NEK10: variants seen among roughly 807,000 people sequenced by gnomAD.
The protein encoded by NEK10 is NIMA related kinase 10.
A neutral mutation model predicts 159.8 loss-of-function variants in NEK10; 122 were observed. The observed-to-expected ratio is 0.76, with a 90% CI of 0.66 to 0.89. The LOEUF (loss-of-function observed/expected upper bound fraction) is 0.89, where lower values mean the gene tolerates loss of function less well. Among genes scored for constraint, NEK10 ranks in the 40% least tolerant of loss-of-function variants. The pLI is 0.00. For missense variants in NEK10, 1,342 were observed against 1,323.1 expected, an observed-to-expected ratio of 1.01 and a Z score of -0.22; for synonymous variants, 466 against 457.1, an observed-to-expected ratio of 1.02 and a Z score of -0.25.
chr3:27,111,370 G>A, intron 35 of NEK10, 50 bp from the exon 36 acceptor site: 1 of 1,407,896 alleles, frequency 7.1e-7, no homozygotes, highest in Non-Finnish European at 9.7e-7. Flanking sequence ...AAATATTTTA[G>A]TTCATACATT....
At chr3:27,155,508 TAAATAAAATAAAATAAAATA>T (rs60254232) in intron 30 of NEK10, among the ~76,000 whole-genome samples, 63 of 134,334 alleles carry the variant, frequency 4.7e-4, no homozygotes, top group South Asian at 1.0e-3. Context: ...CTCAAAAAAA[TAAATAAAATAAAATAAAATA>T]AAATAAAATA....
At chr3:27,168,392 C>T (rs1443240022) in intron 29 of NEK10, among the ~76,000 whole-genome samples, 12 of 152,114 alleles carry the variant, frequency 7.9e-5, no homozygotes, top group Non-Finnish European at 1.5e-5. Context: ...GATGGGTTCA[C>T]ATTTCACATT....
intron 22 of NEK10, among the ~76,000 whole-genome samples, chr3:27,277,338 G>A (rs993420455): frequency 5.3e-5 from 8 of 152,144 alleles, no homozygotes; most frequent in Non-Finnish European, 1.2e-4. Context: ...TTAAGCCATC[G>A]TTAGTCTGGC....
intron 23 of NEK10, among the ~76,000 whole-genome samples, chr3:27,254,169 C>T (rs1955942794): frequency 1.3e-5 from 2 of 152,176 alleles, no homozygotes; most frequent in Admixed American, 6.5e-5. Flanking sequence ...TTTTTTAAAA[C>T]ATTATGAGAT....
intron 33 of NEK10, among the ~76,000 whole-genome samples, chr3:27,117,417 T>C (rs1203774683): frequency 1.3e-5 from 2 of 152,344 alleles, no homozygotes; most frequent in African/African-American, 2.4e-5. Context: ...TCTTCCACAA[T>C]GGTTGAACTA....
intron 23 of NEK10, among the ~76,000 whole-genome samples, chr3:27,223,903 C>A (rs73149363): frequency 0.21 from 31,510 of 152,158 alleles, 3,248 homozygotes; most frequent in African/African-American, 0.24. Context: ...TCTGCAAATT[C>A]TATCCATGTC....
chr3:27,186,237 T>C (rs1948610249), intron 26 of NEK10, among the ~76,000 whole-genome samples: 1 of 152,252 alleles, frequency 6.6e-6, no homozygotes, highest in Non-Finnish European at 1.5e-5. Flanking sequence ...CCAACATATT[T>C]TGCCTTCGCA....
At chr3:27,199,075 AAAAAAAAAAAAAC>A (rs1440205089) in intron 25 of NEK10, among the ~76,000 whole-genome samples, 1 of 148,294 alleles carries the variant, frequency 6.7e-6, no homozygotes, top group East Asian at 1.9e-4. Context: ...TCCATCTCAA[AAAAAAAAAAAAAC>A]AAAAAAAGAC....
intron 23 of NEK10, among the ~76,000 whole-genome samples, chr3:27,231,298 A>T (rs1216878013): frequency 6.6e-6 from 1 of 152,076 alleles, no homozygotes; most frequent in Non-Finnish European, 1.5e-5. Context: ...ATTTGAAATG[A>T]ATGATAACAG....
chr3:27,310,938 G>A lies in NEK10; in HGVS notation c.636+11C>T. On this transcript the variant is annotated intron_variant, in intron 9 of 35. Coordinates refer to ENST00000691995, the MANE Select transcript of NEK10 (RefSeq NM_001394966.1). Reference sequence around the variant, plus strand: ...GGAGCTGAAGCATTAACTCTTTCAGGGGCCACTCACCTTGTGGGCTCCACT... The same window carrying A: ...GGAGCTGAAGCATTAACTCTTTCAGAGGCCACTCACCTTGTGGGCTCCACT... The A allele has an allele frequency of 1.9e-6, 3 of 1,571,892 alleles. No individual in the cohort carries two copies. The highest frequency in any genetic ancestry group is 2.6e-6 in the Non-Finnish European group (3 of 1,142,608).
At chr3:27,312,744 G>C (rs1345912611) in intron 7 of NEK10, among the ~76,000 whole-genome samples, 1 of 152,054 alleles carries the variant, frequency 6.6e-6, no homozygotes, top group East Asian at 1.9e-4. Context: ...TATAATGGAA[G>C]TTAAAATGGA....
intron 29 of NEK10, among the ~76,000 whole-genome samples, chr3:27,167,609 C>G (rs1483230077): frequency 6.6e-6 from 1 of 152,106 alleles, no homozygotes; most frequent in Admixed American, 6.6e-5. Flanking sequence ...CTAGGTCAGC[C>G]TATGAAACTC....
At chr3:27,307,834 C>CT in intron 11 of NEK10, 25 bp downstream of exon 11, 3 of 1,143,340 alleles carry the variant, frequency 2.6e-6, no homozygotes. Flanking sequence ...ACTGCATTGT[C>CT]TTTTTCTACT....
chr3:27,245,031 A>G (rs569467535), intron 23 of NEK10, among the ~76,000 whole-genome samples: 1 of 152,248 alleles, frequency 6.6e-6, no homozygotes, highest in South Asian at 2.1e-4. Context: ...AGTACCATGT[A>G]GTTTTCTTAC....
At chr3:27,231,510 A>G (rs1253472979) in intron 23 of NEK10, among the ~76,000 whole-genome samples, 5 of 151,936 alleles carry the variant, frequency 3.3e-5, no homozygotes, top group African/African-American at 1.2e-4. Flanking sequence ...GAGTATAACT[A>G]AATGAAAGTG....
intron 7 of NEK10, among the ~76,000 whole-genome samples, chr3:27,313,512 G>T (rs566178430): frequency 6.6e-5 from 10 of 151,870 alleles, no homozygotes; most frequent in Admixed American, 3.3e-4. Flanking sequence ...TTATTATCTT[G>T]CCAGGCCCAG....
intron 22 of NEK10, among the ~76,000 whole-genome samples, chr3:27,257,259 CAG>C (rs1385254661): frequency 6.6e-6 from 1 of 152,162 alleles, no homozygotes; most frequent in African/African-American, 2.4e-5. Flanking sequence ...ATGATAAAAA[CAG>C]ATATTTTTCC....
intron 30 of NEK10, among the ~76,000 whole-genome samples, chr3:27,156,172 A>G (rs1398878518): frequency 6.6e-6 from 1 of 152,100 alleles, no homozygotes; most frequent in Admixed American, 6.5e-5. Context: ...AAGACCTGGA[A>G]CTATAAAAAT....
chr3:27,201,738 A>G (rs1309383825), intron 24 of NEK10, among the ~76,000 whole-genome samples, 158 bp from the exon 25 acceptor site: 1 of 152,260 alleles, frequency 6.6e-6, no homozygotes, highest in Non-Finnish European at 1.5e-5. Context: ...ATTTGCATCA[A>G]TTAAACAGCT....
Sources: gnomAD v4.1 joint callset for allele counts (sites outside exome capture counted in the v4.1 genomes callset) on GRCh38, gnomAD v4.1.1 for gene constraint, MANE v1.5 for transcripts, NCBI Gene and HGNC (gene_info 2026-07-23, HGNC 2026-07-21) for gene names.